GRID2: variants seen among roughly 807,000 people sequenced by gnomAD.
GRID2 encodes glutamate receptor ionotropic, delta-2.
In GRID2, 33 loss-of-function variants were observed where a neutral mutation model predicts 114.8. The observed-to-expected ratio is 0.29, with a 90% confidence interval of 0.22 to 0.38. The LOEUF is 0.38. GRID2 is among the 10% of genes least tolerant of loss of function. The pLI, the probability that GRID2 is intolerant of heterozygous loss-of-function variation, is 1.00. For missense variants in GRID2, 1,184 were observed against 1,257.7 expected, an observed-to-expected ratio of 0.94 and a Z score of 0.89; for synonymous variants, 505 against 449.9, an observed-to-expected ratio of 1.12 and a Z score of -1.55.
chr4:93,066,617 A>G (rs1165221598), intron 2 of GRID2, among the ~76,000 whole-genome samples: 1 of 152,006 alleles, frequency 6.6e-6, no homozygotes, highest in Non-Finnish European at 1.5e-5. Flanking sequence ...TTCTTTTTGT[A>G]TAATTTCAGA....
chr4:92,576,482 G>A (rs1434196840), intron 1 of GRID2, among the ~76,000 whole-genome samples: 1 of 152,184 alleles, frequency 6.6e-6, no homozygotes, highest in African/African-American at 2.4e-5. Flanking sequence ...CCTGAAGACT[G>A]GCACTGCTCG....
At chr4:92,688,717 C>T (rs1201539937) in intron 2 of GRID2, among the ~76,000 whole-genome samples, 2 of 152,142 alleles carry the variant, frequency 1.3e-5, no homozygotes, top group Non-Finnish European at 1.5e-5. Context: ...CCAAAGTCAT[C>T]CATGTGGATT....
chr4:93,017,333 A>G (rs982138600), intron 2 of GRID2, among the ~76,000 whole-genome samples: 2 of 152,204 alleles, frequency 1.3e-5, no homozygotes, highest in Admixed American at 1.3e-4. Context: ...TATGTAGTTG[A>G]CAGGGTAGCC....
At chr4:92,544,155 A>C (rs2149165733) in intron 1 of GRID2, among the ~76,000 whole-genome samples, 1 of 152,292 alleles carries the variant, frequency 6.6e-6, no homozygotes, top group African/African-American at 2.4e-5. Flanking sequence ...TCCTCTCAAC[A>C]AAATGTTGCC....
At chr4:93,447,086 G>T (rs2149399566) in intron 10 of GRID2, among the ~76,000 whole-genome samples, 1 of 151,922 alleles carries the variant, frequency 6.6e-6, no homozygotes, top group Non-Finnish European at 1.5e-5. Flanking sequence ...CCACTTGGAA[G>T]TAAAAATAGC....
intron 13 of GRID2, among the ~76,000 whole-genome samples, chr4:93,590,902 T>G (rs534785095): frequency 6.6e-6 from 1 of 151,006 alleles, no homozygotes; most frequent in Non-Finnish European, 1.5e-5. Flanking sequence ...TGCACATTGA[T>G]TTTGTATCCT....
intron 4 of GRID2, among the ~76,000 whole-genome samples, chr4:93,177,246 G>A (rs1314500853): frequency 1.3e-5 from 2 of 149,050 alleles, no homozygotes; most frequent in African/African-American, 5.0e-5. Flanking sequence ...CTTTTTTTTT[G>A]CATTTTTAAA....
intron 1 of GRID2, among the ~76,000 whole-genome samples, chr4:92,322,552 A>G (rs929787750): frequency 7.2e-5 from 11 of 152,108 alleles, no homozygotes; most frequent in African/African-American, 2.7e-4. Context: ...TATACCTACT[A>G]TATACCCACA....
intron 2 of GRID2, among the ~76,000 whole-genome samples, chr4:92,915,103 T>C (rs192175886): frequency 7.3e-5 from 11 of 151,600 alleles, no homozygotes; most frequent in African/African-American, 1.5e-4. Flanking sequence ...CAGGAAGGAG[T>C]AGTGCTGAGC....
chr4:92,405,521 G>T (rs1031375601), intron 1 of GRID2, among the ~76,000 whole-genome samples: 1 of 151,934 alleles, frequency 6.6e-6, no homozygotes, highest in Non-Finnish European at 1.5e-5. Context: ...AGATATTCAA[G>T]TATTTCTTTT....
chr4:93,036,529 TAATG>T (rs1175005240), intron 2 of GRID2, among the ~76,000 whole-genome samples: 2 of 152,140 alleles, frequency 1.3e-5, no homozygotes, highest in Non-Finnish European at 2.9e-5. Flanking sequence ...TAAAATATAA[TAATG>T]GCTTTCAGAG....
At chr4:93,147,106 T>C (rs1182844150) in intron 4 of GRID2, among the ~76,000 whole-genome samples, 1 of 152,190 alleles carries the variant, frequency 6.6e-6, no homozygotes, top group Non-Finnish European at 1.5e-5. Context: ...AACGTACTTA[T>C]AAGAGATCAA....
chr4:92,555,088 G>T (rs1028280108), intron 1 of GRID2, among the ~76,000 whole-genome samples: 5 of 152,132 alleles, frequency 3.3e-5, no homozygotes, highest in African/African-American at 1.2e-4. Flanking sequence ...CGTGAGAGTT[G>T]CATGAGTTTG....
rs1029763115 is a variant in GRID2 at position 92,665,062 on chromosome 4, T to C, written c.244+74776T>C. Reference sequence around the variant, plus strand: ...TACTGATAAGGAAAATCTTCTGTCATTTTGCCATTTTTTTCTGCAAGCATT... The same window carrying C: ...TACTGATAAGGAAAATCTTCTGTCACTTTGCCATTTTTTTCTGCAAGCATT... On this transcript the variant is annotated intron_variant, in intron 2 of 15. Transcript: ENST00000282020. Among the ~76,000 whole-genome samples, 8 of 150,888 alleles carry C rather than the reference T, an allele frequency of 5.3e-5. No individual in the cohort carries two copies. The South Asian group carries it at 8.3e-4, about 16-fold the overall frequency.
rs138124779 is a variant in GRID2, at chr4:92,305,785, G to C, written c.88+1041G>C. ...ACTCACTTGCTAATCCGTGAGAGCT[G>C]AGCGGGAGACAGGCTCTTGCAGCCT... On this transcript the variant is annotated intron_variant, in intron 1 of 15. Transcript: ENST00000282020. Among the ~76,000 whole-genome samples the C allele has an allele frequency of 3.4e-3, 516 of 152,314 alleles. 4 individuals carry two copies. The highest frequency in any genetic ancestry group is 0.011 in the African/African-American group (475 of 41,578).
chr4:92,386,524 C>T (rs1274100981), intron 1 of GRID2, among the ~76,000 whole-genome samples: 6 of 151,596 alleles, frequency 4.0e-5, no homozygotes, highest in Admixed American at 2.6e-4. Context: ...ATTGTACTTA[C>T]AGCATTGTCA....
chr4:93,256,370 A>G lies in GRID2; in HGVS notation c.1245+17880A>G, dbSNP rs542642790. ...GACGAAGTATTTTCAAAATTATGTT[A>G]TTTAGACAAATAATCATAAGTAGGG... On this transcript the variant is annotated intron_variant, in intron 8 of 15. Transcript: ENST00000282020. Among the ~76,000 whole-genome samples the G allele has an allele frequency of 9.2e-5, 14 of 152,028 alleles. No individual in the cohort carries two copies. The South Asian group carries it at 2.9e-3, about 32-fold the overall frequency.
At chr4:93,395,273 G>C (rs1765222262) in intron 8 of GRID2, among the ~76,000 whole-genome samples, 1 of 151,764 alleles carries the variant, frequency 6.6e-6, no homozygotes, top group African/African-American at 2.4e-5. Flanking sequence ...TATTAAAAAA[G>C]ACATTATGTT....
At chr4:92,835,154 G>A (rs1269796171) in intron 2 of GRID2, among the ~76,000 whole-genome samples, 2 of 150,140 alleles carry the variant, frequency 1.3e-5, no homozygotes, top group African/African-American at 4.9e-5. Context: ...AACAAGGGTT[G>A]AGAATAATAA....
Sources: gnomAD v4.1 joint callset for allele counts (sites outside exome capture counted in the v4.1 genomes callset) on GRCh38, gnomAD v4.1.1 for gene constraint, MANE v1.5 for transcripts, NCBI Gene and HGNC (gene_info 2026-07-23, HGNC 2026-07-21) for gene names.